ATP10B: variants seen among roughly 807,000 people sequenced by gnomAD.
ATP10B encodes phospholipid-transporting ATPase VB.
A neutral mutation model predicts 141.2 loss-of-function variants in ATP10B; 122 were observed. The observed-to-expected ratio is 0.86, with a 90% CI of 0.75 to 1.00. The LOEUF (loss-of-function observed/expected upper bound fraction) is 1.00, where lower values mean the gene tolerates loss of function less well. ATP10B is among the 50% of genes least tolerant of loss of function. The pLI is 0.00. For missense variants in ATP10B, 1,876 were observed against 1,825.3 expected, an observed-to-expected ratio of 1.03 and a Z score of -0.51; for synonymous variants, 685 against 692.0, an observed-to-expected ratio of 0.99 and a Z score of 0.16.
At chr5:160,615,767 C>T (rs983188273) in intron 17 of ATP10B, 71 bp downstream of exon 17, 30 of 1,568,028 alleles carry the variant, frequency 1.9e-5, no homozygotes, top group Admixed American at 3.4e-5. Flanking sequence ...GTGTCAGAAT[C>T]GGGGCCAAGA....
At chr5:160,860,218 T>A in the ATP10B span, among the ~76,000 whole-genome samples, 1 of 151,904 alleles carries the variant, frequency 6.6e-6, no homozygotes, top group African/African-American at 2.4e-5. Flanking sequence ...AATTAACTTA[T>A]GTTTATCAAA....
chr5:160,688,694 C>T, intron 4 of ATP10B, 66 bp downstream of exon 4: 1 of 864,180 alleles, frequency 1.2e-6, no homozygotes, highest in African/African-American at 1.8e-5. Context: ...GGAAAAGGTA[C>T]CTATTCTTTA....
At chr5:160,899,341 TAAG>T in the ATP10B span, among the ~76,000 whole-genome samples, 4 of 151,654 alleles carry the variant, frequency 2.6e-5, no homozygotes, top group South Asian at 2.1e-4. Flanking sequence ...TTATTAAAAA[TAAG>T]AAAGTGGGGA....
intron 2 of ATP10B, among the ~76,000 whole-genome samples, chr5:160,772,090 CAG>C (rs991965838): frequency 3.3e-5 from 5 of 152,202 alleles, no homozygotes; most frequent in African/African-American, 1.2e-4. Context: ...AACGTGAGAG[CAG>C]AGATTTCTCT....
intron 2 of ATP10B, among the ~76,000 whole-genome samples, chr5:160,728,362 A>G (rs184328438): frequency 6.6e-6 from 1 of 152,140 alleles, no homozygotes; most frequent in Non-Finnish European, 1.5e-5. Context: ...ATTGATTGAG[A>G]TCTTTGCTTT....
the ATP10B span, among the ~76,000 whole-genome samples, chr5:160,879,578 G>A: frequency 4.6e-5 from 7 of 150,614 alleles, no homozygotes; most frequent in South Asian, 2.1e-4. Flanking sequence ...GGTGGCTCTC[G>A]CCTGTAATCC....
rs566532269 is a variant in ATP10B at position 160,703,601 on chromosome 5, T to C, written c.-205+13308A>G. On this transcript the variant is annotated intron_variant, in intron 3 of 25. Transcript: ENST00000327245. ...AAGCCATTCTCCTGCCTCAGCCTTC[T>C]GGGTAGCTGGGGCTACAGGCACCTG... 8.6e-5 allele frequency among the ~76,000 whole-genome samples: 13 copies of C among 151,918 alleles called. No individual in the cohort carries two copies. In the East Asian group the frequency reaches 2.3e-3, roughly 27 times the overall value.
chr5:160,730,903 G>A (rs1219807590), intron 2 of ATP10B, among the ~76,000 whole-genome samples: 2 of 152,166 alleles, frequency 1.3e-5, no homozygotes, highest in Non-Finnish European at 2.9e-5. Flanking sequence ...TTGGGAAAAG[G>A]ACCTTGAGCC....
At chr5:160,905,967 A>G in the ATP10B span, among the ~76,000 whole-genome samples, 5 of 152,090 alleles carry the variant, frequency 3.3e-5, no homozygotes, top group African/African-American at 7.2e-5. Flanking sequence ...TTACCCAAAG[A>G]CTTACAAATT....
At chr5:160,613,177 C>T (rs1757817685) in intron 17 of ATP10B, among the ~76,000 whole-genome samples, 3 of 152,100 alleles carry the variant, frequency 2.0e-5, no homozygotes, top group African/African-American at 7.2e-5. Flanking sequence ...CACCAGGAGA[C>T]CTGAACTTCA....
intron 6 of ATP10B, among the ~76,000 whole-genome samples, chr5:160,675,942 A>T (rs1763007308): frequency 1.3e-5 from 2 of 152,086 alleles, no homozygotes; most frequent in African/African-American, 4.8e-5. Context: ...ATATTTACCA[A>T]TCTGAGGATG....
At chr5:160,685,951 C>T (rs538488013) in intron 6 of ATP10B, 128 bp downstream of exon 6, 21 of 810,922 alleles carry the variant, frequency 2.6e-5, no homozygotes, top group Admixed American at 7.0e-5. Flanking sequence ...AAATCACCCC[C>T]CCTTGAGAAT....
At chr5:160,885,900 T>TA in the ATP10B span, among the ~76,000 whole-genome samples, 13 of 152,254 alleles carry the variant, frequency 8.5e-5, no homozygotes, top group African/African-American at 3.1e-4. Context: ...CTCTTGCTCC[T>TA]AAATTACTCT....
chr5:160,737,855 C>A (rs575835087), intron 2 of ATP10B, among the ~76,000 whole-genome samples: 1 of 152,048 alleles, frequency 6.6e-6, no homozygotes, highest in East Asian at 1.9e-4. Flanking sequence ...GAAAGACAAT[C>A]CCAGAATTAT....
At chr5:160,675,803 G>A (rs1421467678) in intron 6 of ATP10B, among the ~76,000 whole-genome samples, 1 of 151,304 alleles carries the variant, frequency 6.6e-6, no homozygotes, top group Non-Finnish European at 1.5e-5. Context: ...GGGTTGGGGA[G>A]GTGGATTAGA....
In ATP10B at chr5:160,603,678, G is replaced by A. The variant is rs115400997; in HGVS notation, c.3237+287C>T. 2,423 of 413,466 alleles carry A rather than the reference G, an allele frequency of 5.9e-3. 39 individuals are homozygous for A. Among genetic ancestry groups the A allele is most frequent in the African/African-American group, 0.03 (1,527 of 50,458 alleles). 25.6% of individuals were successfully genotyped at this position (413,466 alleles called of 1,614,324 possible). On this transcript the variant is annotated intron_variant, in intron 20 of 25. Coordinates refer to ENST00000327245, the MANE Select transcript of ATP10B (RefSeq NM_025153.3). ...AGCAGTGCCAAATGTTTACACTGGT[G>A]GTGGAAATACAATTGTTAATGGCTC... is the stretch of plus-strand genomic sequence containing the variant.
intron 1 of ATP10B, among the ~76,000 whole-genome samples, chr5:160,803,098 G>A (rs962658596): frequency 2.0e-5 from 3 of 152,126 alleles, no homozygotes; most frequent in Admixed American, 6.5e-5. Flanking sequence ...GGCTCACTTG[G>A]CATGGTGGGC....
chr5:160,735,221 G>A (rs536126741), intron 2 of ATP10B, among the ~76,000 whole-genome samples: 2 of 150,688 alleles, frequency 1.3e-5, no homozygotes, highest in East Asian at 3.9e-4. Flanking sequence ...GGCCTGAATG[G>A]ACTAAAAAAA....
intron 2 of ATP10B, among the ~76,000 whole-genome samples, chr5:160,751,110 G>A (rs952550690): frequency 6.6e-6 from 1 of 152,144 alleles, no homozygotes; most frequent in Non-Finnish European, 1.5e-5. Flanking sequence ...TCCAGACGGA[G>A]GGCTCTGAGA....
Sources: gnomAD v4.1 joint callset for allele counts (sites outside exome capture counted in the v4.1 genomes callset) on GRCh38, gnomAD v4.1.1 for gene constraint, MANE v1.5 for transcripts, NCBI Gene and HGNC (gene_info 2026-07-23, HGNC 2026-07-21) for gene names.